Variants in TSPAN9 observed in about 807,000 individuals in gnomAD.
TSPAN9 encodes tetraspanin-9.
A neutral mutation model predicts 31.0 loss-of-function variants in TSPAN9; 16 were observed. That is an observed-to-expected ratio of 0.52 (90% CI 0.35 to 0.78). TSPAN9 has a LOEUF of 0.78. TSPAN9 is among the 30% of genes least tolerant of loss of function. TSPAN9 has a pLI of 0.01. For synonymous variants in TSPAN9, 145 were observed against 121.6 expected, an observed-to-expected ratio of 1.19 and a Z score of -1.27; for missense variants, 272 against 312.5, an observed-to-expected ratio of 0.87 and a Z score of 0.98.
In TSPAN9 at chr12:3,221,205, C is replaced by T. The variant is rs531896749; in HGVS notation, c.63+19949C>T. Among the ~76,000 whole-genome samples the T allele has an allele frequency of 5.5e-4, 83 of 152,244 alleles. 2 individuals are homozygous for T. In the South Asian group the frequency reaches 0.017, roughly 31 times the overall value. ...CACCCATCCTTTACTGGTCCCTTCC[C>T]TTATTCATTTATTCATTCAAATATC... On this transcript the variant is annotated intron_variant, in intron 3 of 8. Coordinates refer to ENST00000011898, the MANE Select transcript of TSPAN9 (RefSeq NM_006675.5).
At position 3,169,212 on chromosome 12, in the gene TSPAN9, G is replaced by A. The variant is rs1360668110; in HGVS notation, c.-17-31965G>A. Among the ~76,000 whole-genome samples the A allele has an allele frequency of 3.3e-5, 5 of 151,374 alleles. 1 individual carries two copies. Among genetic ancestry groups the A allele is most frequent in the African/African-American group, 9.8e-5 (4 of 40,664 alleles). On this transcript the variant is annotated intron_variant, in intron 2 of 8. Coordinates refer to ENST00000011898, the MANE Select transcript of TSPAN9 (RefSeq NM_006675.5). ...TGTCTTCCTCCTTAGTCTGCAGAAC[G>A]CACCCAACTCTGTTTCGGGTGGGTG... is the stretch of plus-strand genomic sequence containing the variant.
intron 3 of TSPAN9, among the ~76,000 whole-genome samples, chr12:3,225,524 G>A (rs967654055): frequency 1.3e-5 from 2 of 152,150 alleles, no homozygotes; most frequent in African/African-American, 4.8e-5. Flanking sequence ...CGCTGGTCTG[G>A]GGGCAGTTTT....
chr12:3,253,823 G>A (rs1862297977), intron 3 of TSPAN9, among the ~76,000 whole-genome samples: 1 of 152,172 alleles, frequency 6.6e-6, no homozygotes, highest in South Asian at 2.1e-4. Context: ...GCTGTGCGTG[G>A]GCCTGGTGGT....
At chr12:3,176,232 G>T (rs1275945702) in intron 2 of TSPAN9, among the ~76,000 whole-genome samples, 2 of 152,258 alleles carry the variant, frequency 1.3e-5, no homozygotes, top group Non-Finnish European at 2.9e-5. Context: ...TTACGGAGCA[G>T]TGTGCAGAGT....
chr12:3,229,416 C>T (rs2098389508), intron 3 of TSPAN9, among the ~76,000 whole-genome samples: 1 of 152,234 alleles, frequency 6.6e-6, no homozygotes, highest in South Asian at 2.1e-4. Flanking sequence ...TTCCTTCCAT[C>T]CGTCCTCATT....
At chr12:3,166,585 C>T (rs983109604) in intron 2 of TSPAN9, among the ~76,000 whole-genome samples, 1 of 152,212 alleles carries the variant, frequency 6.6e-6, no homozygotes, top group Non-Finnish European at 1.5e-5. Flanking sequence ...TTCTAACCTT[C>T]TGTTGAAGTA....
intron 2 of TSPAN9, among the ~76,000 whole-genome samples, chr12:3,103,421 C>T (rs537788996): frequency 1.4e-5 from 2 of 147,114 alleles, no homozygotes; most frequent in Non-Finnish European, 2.9e-5. Flanking sequence ...TAGCTGAACA[C>T]TCATTGAACA....
At chr12:3,175,077 A>C (rs1329507858) in intron 2 of TSPAN9, among the ~76,000 whole-genome samples, 2 of 152,252 alleles carry the variant, frequency 1.3e-5, no homozygotes, top group South Asian at 4.2e-4. Context: ...TGTTGCGGAC[A>C]CAACCCTGAG....
chr12:3,282,768 G>A (rs545889611), intron 8 of TSPAN9, among the ~76,000 whole-genome samples: 6 of 152,294 alleles, frequency 3.9e-5, no homozygotes, highest in Middle Eastern at 6.8e-3. Context: ...TGCCTGCAGC[G>A]CCCCTCTGAG....
At chr12:3,173,682 A>G (rs760403701) in intron 2 of TSPAN9, 1 of 152,026 alleles carries the variant, frequency 6.6e-6, no homozygotes, top group Non-Finnish European at 1.5e-5. Flanking sequence ...TTTTGTAGAG[A>G]TGGGGGTCTT....
chr12:3,211,930 G>A (rs113873496), intron 3 of TSPAN9: 27 of 1,390,400 alleles, frequency 1.9e-5, no homozygotes, highest in South Asian at 5.9e-5. Context: ...TCTCGTGTGC[G>A]TAGGTCGTCA....
intron 3 of TSPAN9, among the ~76,000 whole-genome samples, chr12:3,216,409 G>A (rs80067567): frequency 0.011 from 1,667 of 152,212 alleles, 35 homozygotes; most frequent in African/African-American, 0.039. Context: ...CTGGGCACTC[G>A]CTGGTCAGAG....
intron 2 of TSPAN9, among the ~76,000 whole-genome samples, chr12:3,158,457 C>G (rs2069693390): frequency 6.6e-6 from 1 of 152,188 alleles, no homozygotes; most frequent in Non-Finnish European, 1.5e-5. Flanking sequence ...GCTTCCGTGG[C>G]TCACGCCTAT....
At chr12:3,275,864 G>A (rs1862775666) in intron 3 of TSPAN9, among the ~76,000 whole-genome samples, 1 of 152,276 alleles carries the variant, frequency 6.6e-6, no homozygotes, top group South Asian at 2.1e-4. Context: ...CTCTTGGTTA[G>A]TAATACGTGG....
intron 2 of TSPAN9, among the ~76,000 whole-genome samples, chr12:3,103,700 C>G (rs1407243375): frequency 6.6e-6 from 1 of 152,170 alleles, no homozygotes; most frequent in Non-Finnish European, 1.5e-5. Flanking sequence ...CCTCAAAGGA[C>G]TAGCACCTGG....
chr12:3,259,111 A>G (rs1056566677), intron 3 of TSPAN9, among the ~76,000 whole-genome samples: 2 of 152,242 alleles, frequency 1.3e-5, no homozygotes, highest in East Asian at 1.9e-4. Flanking sequence ...GTTTGCTGCT[A>G]TCATTTTCAT....
rs1362195569 is a variant in TSPAN9, at chr12:3,281,153, C to T, written c.433-45C>T. 1.6e-5 allele frequency: 25 copies of T among 1,548,544 alleles called. No individual in the cohort carries two copies. In the Admixed American group the frequency reaches 2.6e-4, roughly 16 times the overall value. ...GGGGAAGGCCCTGGGGAGGAAGGGG[C>T]GGGCCATGGCATGTCTGACTGCCCC... On this transcript the variant is annotated intron_variant, in intron 6 of 8. Coordinates refer to ENST00000011898, the MANE Select transcript of TSPAN9 (RefSeq NM_006675.5).
chr12:3,224,090 A>AT (rs1555154657), intron 3 of TSPAN9, among the ~76,000 whole-genome samples: 25 of 147,200 alleles, frequency 1.7e-4, no homozygotes, highest in Admixed American at 8.7e-4. Flanking sequence ...AAAAAAAAAA[A>AT]TTTTTTTTCT....
chr12:3,224,126 T>G (rs2098385955), intron 3 of TSPAN9, among the ~76,000 whole-genome samples: 1 of 152,212 alleles, frequency 6.6e-6, no homozygotes, highest in Non-Finnish European at 1.5e-5. Context: ...AAGTTCCTCC[T>G]TCCATCAAGT....
Sources: allele counts gnomAD v4.1 joint callset (sites outside exome capture counted in the v4.1 genomes callset), GRCh38; gene constraint gnomAD v4.1.1; transcripts MANE v1.5; gene names NCBI Gene and HGNC (gene_info 2026-07-23, HGNC 2026-07-21).